CELSR1: variants seen among roughly 807,000 people sequenced by gnomAD.
The protein encoded by CELSR1 is adhesion G protein-coupled receptor C1.
CELSR1 carries 110 observed loss-of-function variants against 249.1 expected under a neutral mutation model. The ratio of observed to expected loss-of-function variants is 0.44; its 90% CI spans 0.38 to 0.52. The LOEUF (loss-of-function observed/expected upper bound fraction) is 0.52, where lower values mean the gene tolerates loss of function less well. CELSR1 is among the 20% of genes least tolerant of loss of function. CELSR1 has a pLI of 0.00. For missense variants in CELSR1, 4,109 were observed against 4,296.4 expected, an observed-to-expected ratio of 0.96 and a Z score of 1.22; for synonymous variants, 2,113 against 1,900.0, an observed-to-expected ratio of 1.11 and a Z score of -2.92.
Position 46,396,682 on chromosome 22 carries a change from G to A in CELSR1, c.5766C>T (p.Cys1922=), listed in dbSNP as rs771398493. 11 of 1,612,932 alleles carry A rather than the reference G, an allele frequency of 6.8e-6. No homozygotes were observed. Among genetic ancestry groups the A allele is most frequent in the East Asian group, 4.5e-5 (2 of 44,832 alleles). ...CCTGCGGGGAGCCGGGGGAGCGCAC[G>A]CAGGCCCCCATGTTCTCGCAGGGGT... ...HLNPCENMGA[C]VRSPGSPQGY... Residue 1922 remains cysteine (C), a synonymous_variant, in exon 13 of 35, where the codon TGC becomes TGT. Transcript: ENST00000674500. This position sits in a 1 kb window ranked among gnomAD's most constrained non-coding sequence, Gnocchi z 6.4.
chr22:46,530,973 C>T (rs1434287912), intron 1 of CELSR1, among the ~76,000 whole-genome samples: 3 of 152,334 alleles, frequency 2.0e-5, no homozygotes. Context: ...AGCAACAACA[C>T]TCCATTGAAA....
chr22:46,485,929 CTTTTTTTTTT>C (rs77749125), intron 1 of CELSR1, among the ~76,000 whole-genome samples: 1 of 104,784 alleles, frequency 9.5e-6, no homozygotes, highest in African/African-American at 5.2e-5. Context: ...CTTTCAGGTA[CTTTTTTTTTT>C]TTTTTTTTTT....
chr22:46,465,128 G>A lies in CELSR1; in HGVS notation c.3545-783C>T, dbSNP rs1259034676. Among the ~76,000 whole-genome samples, 8 of 152,238 alleles carry A rather than the reference G, an allele frequency of 5.3e-5. No homozygotes were observed. The South Asian group carries it at 1.0e-3, about 20-fold the overall frequency. On this transcript the variant is annotated intron_variant, in intron 1 of 34. Transcript: ENST00000674500. ...TTCCAGGCCCAGAATTGGATGAGAC[G>A]TTCAGGGGGTGGGTCATGGGTACCA... is the stretch of plus-strand genomic sequence containing the variant.
chr22:46,372,866 A>G lies in CELSR1; in HGVS notation c.7759+17T>C, dbSNP rs1277069537. ...GAAATCTGTGGTTTTATGCAGGGCC[A>G]CTCTGTGCATCCTCACCTGTGACAA... On this transcript the variant is annotated intron_variant, in intron 25 of 34. Transcript: ENST00000674500. 5 of 1,590,514 alleles carry G rather than the reference A, an allele frequency of 3.1e-6. No homozygotes were observed. The highest frequency in any genetic ancestry group is 4.3e-6 in the Non-Finnish European group (5 of 1,165,978).
chr22:46,375,212 G>A (rs1292201168), intron 24 of CELSR1, among the ~76,000 whole-genome samples: 1 of 152,146 alleles, frequency 6.6e-6, no homozygotes, highest in Non-Finnish European at 1.5e-5. Context: ...GGCCGGTCCA[G>A]CCCCACAGAC....
Position 46,380,960 on chromosome 22 carries a change from G to A in CELSR1, c.7089-5C>T, listed in dbSNP as rs553546354. On this transcript the variant is annotated splice_polypyrimidine_tract_variant and splice_region_variant and intron_variant, in intron 21 of 34. Transcript: ENST00000674500. The surrounding 1 kb of genome is among the most constrained non-coding windows in gnomAD (Gnocchi z 5.1). ...ATGATGGGCCGGTGAGGCAACCTGA[G>A]GTCAAGAAGCCAGAGCATGGGGACA... The A allele has an allele frequency of 1.2e-5, 20 of 1,610,992 alleles. No homozygotes were observed. The African/African-American group carries it at 1.5e-4, about 12-fold the overall frequency.
rs2080124916 is a variant in CELSR1, at chr22:46,468,828, C to T, written c.3545-4483G>A. Among the ~76,000 whole-genome samples, 1 of 152,130 alleles carries T rather than the reference C, an allele frequency of 6.6e-6. No individual in the cohort carries two copies. On this transcript the variant is annotated intron_variant, in intron 1 of 34. Transcript: ENST00000674500. This position sits in a 1 kb window ranked among gnomAD's most constrained non-coding sequence, Gnocchi z 4.5. ...CAGTGGCTCACGTCTGAAATCCCAG[C>T]ACTTTGGGAGGCCGAGGCGGCAGAT...
intron 5 of CELSR1, among the ~76,000 whole-genome samples, chr22:46,424,283 T>C (rs2079513272): frequency 1.3e-5 from 2 of 151,696 alleles, no homozygotes; most frequent in Non-Finnish European, 2.9e-5. Context: ...CTCCCTATGT[T>C]GCCCAGGCTG....
intron 1 of CELSR1, among the ~76,000 whole-genome samples, chr22:46,524,340 T>A (rs910497919): frequency 1.3e-5 from 2 of 152,204 alleles, no homozygotes; most frequent in Non-Finnish European, 2.9e-5. Context: ...TGCTACATGA[T>A]TCCCCTCTTA....
rs1449001711 is a variant in CELSR1 at position 46,471,860 on chromosome 22, C to CTGGG, written c.3545-7519_3545-7516dup. On this transcript the variant is annotated intron_variant, in intron 1 of 34. Coordinates refer to ENST00000674500, the MANE Select transcript of CELSR1 (RefSeq NM_001378328.1). This position sits in a 1 kb window ranked among gnomAD's most constrained non-coding sequence, Gnocchi z 4.9. Reference sequence around the variant, plus strand: ...TGGTGGCTTCCAGCCTTCCCTGGGTCTGGGACCTGTACAGTTTTCAGGGGC... The same window carrying CTGGG: ...TGGTGGCTTCCAGCCTTCCCTGGGTCTGGGTGGGACCTGTACAGTTTTCAGGGGC... Among the ~76,000 whole-genome samples, 1 of 152,214 alleles carries CTGGG rather than the reference C, an allele frequency of 6.6e-6. No homozygotes were observed. The highest frequency in any genetic ancestry group is 6.5e-5 in the Admixed American group (1 of 15,282).
chr22:46,453,685 G>C (rs6008836), intron 2 of CELSR1, among the ~76,000 whole-genome samples: 17 of 152,260 alleles, frequency 1.1e-4, no homozygotes, highest in South Asian at 2.1e-4. Flanking sequence ...ACTCGCCCCC[G>C]AGGTCGTCTG....
chr22:46,508,538 A>C (rs894690670), intron 1 of CELSR1, among the ~76,000 whole-genome samples: 27 of 143,288 alleles, frequency 1.9e-4, no homozygotes, highest in Non-Finnish European at 3.6e-4. Flanking sequence ...CCTCCCCACC[A>C]AAGGGCCTCA....
chr22:46,404,127 T>C (rs1050275836), intron 9 of CELSR1, among the ~76,000 whole-genome samples: 3 of 151,508 alleles, frequency 2.0e-5, no homozygotes, highest in African/African-American at 7.3e-5. Flanking sequence ...AAATGCTACA[T>C]GAGGCTGGGC....
At chr22:46,508,038 C>T (rs370817245) in intron 1 of CELSR1, among the ~76,000 whole-genome samples, 43 of 152,332 alleles carry the variant, frequency 2.8e-4, no homozygotes, top group Non-Finnish European at 3.7e-4. Context: ...CTGCCAGCAA[C>T]GCTGTCATCA....
At chr22:46,521,772 G>C (rs1308168142) in intron 1 of CELSR1, among the ~76,000 whole-genome samples, 1 of 152,110 alleles carries the variant, frequency 6.6e-6, no homozygotes, top group Admixed American at 6.6e-5. Flanking sequence ...AGCCAAGATC[G>C]CGCCATTGCA....
chr22:46,478,129 A>G (rs738462), intron 1 of CELSR1, among the ~76,000 whole-genome samples: 6,951 of 152,288 alleles, frequency 0.046, 207 homozygotes, highest in Middle Eastern at 0.075. Flanking sequence ...AGGTACCAGG[A>G]GCCCGGGAAG....
intron 12 of CELSR1, among the ~76,000 whole-genome samples, chr22:46,397,195 A>G (rs1184365598): frequency 2.0e-5 from 3 of 151,850 alleles, no homozygotes; most frequent in Non-Finnish European, 4.4e-5. Flanking sequence ...CCTTTGCCTA[A>G]GAAGCTCAAG....
chr22:46,452,860 C>T (rs1449584414), intron 2 of CELSR1, among the ~76,000 whole-genome samples: 1 of 151,614 alleles, frequency 6.6e-6, no homozygotes, highest in Admixed American at 6.5e-5. Context: ...CACTGTCGGG[C>T]AGGCGGGGCT....
rs1046509876 is a variant in CELSR1 at position 46,410,370 on chromosome 22, G to T, written c.4933+28C>A. 15 of 1,602,138 alleles carry T rather than the reference G, an allele frequency of 9.4e-6. No individual in the cohort carries two copies. The highest frequency in any genetic ancestry group is 1.2e-5 in the Non-Finnish European group (14 of 1,171,658). On this transcript the variant is annotated intron_variant, in intron 7 of 34. Coordinates refer to ENST00000674500, the MANE Select transcript of CELSR1 (RefSeq NM_001378328.1). The surrounding 1 kb of genome is among the most constrained non-coding windows in gnomAD (Gnocchi z 6.8). Reference sequence around the variant, plus strand: ...CGTCCAGCCAGATGCCACTGCGGCAGCTCCGACGCCCTGACGGCCACCCGT... The same window carrying T: ...CGTCCAGCCAGATGCCACTGCGGCATCTCCGACGCCCTGACGGCCACCCGT...
Sources: allele counts gnomAD v4.1 joint callset (sites outside exome capture counted in the v4.1 genomes callset), GRCh38; gene constraint gnomAD v4.1.1; non-coding constraint Gnocchi (gnomAD v3.1); transcripts MANE v1.5; gene names NCBI Gene and HGNC (gene_info 2026-07-23, HGNC 2026-07-21).